The following NT5DC3 variants were observed in gnomAD, a reference collection of about 807,000 sequenced individuals.
NT5DC3 encodes 5'-nucleotidase domain-containing protein 3.
NT5DC3 carries 42 observed loss-of-function variants against 67.8 expected under a neutral mutation model. The observed-to-expected ratio is 0.62, with a 90% CI of 0.48 to 0.80. NT5DC3 has a LOEUF of 0.80. Ranked by LOEUF, NT5DC3 falls within the 30% of genes least tolerant of loss-of-function variation. NT5DC3 has a pLI of 0.00. For synonymous variants in NT5DC3, 237 were observed against 255.6 expected (o/e 0.93, Z 0.69); for missense variants, 570 against 696.4 (o/e 0.82, Z 2.04).
At chr12:103,765,799 C>A (rs1033689165), downstream of NT5DC3, among the ~76,000 whole-genome samples, 2 of 149,580 alleles carry the variant, frequency 1.3e-5, no homozygotes, top group Non-Finnish European at 3.0e-5. Context: ...GCCTCAGCCT[C>A]CCGAAGTGCT....
chr12:103,831,723 A>G (rs1400809146), intron 1 of NT5DC3, among the ~76,000 whole-genome samples: 1 of 151,322 alleles, frequency 6.6e-6, no homozygotes, highest in Non-Finnish European at 1.5e-5. Context: ...GTGTTCCCAG[A>G]ACAGTCACAC....
At chr12:103,780,183 G>A in intron 13 of NT5DC3, 117 bp downstream of exon 13, 1 of 840,662 alleles carries the variant, frequency 1.2e-6, no homozygotes, top group East Asian at 2.4e-5. Context: ...ACATACCTGG[G>A]AGCTAAAATA....
intron 1 of NT5DC3, among the ~76,000 whole-genome samples, chr12:103,831,038 C>A (rs557404189): frequency 5.7e-4 from 87 of 152,286 alleles, no homozygotes; most frequent in African/African-American, 2.1e-3. Flanking sequence ...CCAGGAGTCC[C>A]AGATCACTAT....
downstream of NT5DC3, among the ~76,000 whole-genome samples, chr12:103,771,530 G>A (rs1885181584): frequency 6.6e-6 from 1 of 152,120 alleles, no homozygotes; most frequent in Non-Finnish European, 1.5e-5. Flanking sequence ...CCTGGTCCCT[G>A]CCCTCAAAAT....
chr12:103,767,307 G>A (rs1337900560), downstream of NT5DC3, among the ~76,000 whole-genome samples: 3 of 152,152 alleles, frequency 2.0e-5, no homozygotes, highest in African/African-American at 7.2e-5. Flanking sequence ...TAAGAAGCCA[G>A]TCACAAAGGA....
At chr12:103,833,512 A>T (rs905297123) in intron 1 of NT5DC3, among the ~76,000 whole-genome samples, 6 of 152,192 alleles carry the variant, frequency 3.9e-5, no homozygotes, top group Non-Finnish European at 7.3e-5. Flanking sequence ...TTACATCATC[A>T]TGTAGACACA....
chr12:103,806,780 TAAAGA>T (rs757598544), intron 3 of NT5DC3, 70 bp downstream of exon 3: 8 of 955,944 alleles, frequency 8.4e-6, no homozygotes, highest in East Asian at 2.4e-5. Context: ...GCCCGTTCAG[TAAAGA>T]AAAGTACCAA....
intron 4 of NT5DC3, among the ~76,000 whole-genome samples, chr12:103,804,668 T>C (rs1886722358): frequency 1.3e-5 from 2 of 151,940 alleles, no homozygotes; most frequent in South Asian, 4.1e-4. Flanking sequence ...CACAGAAAAC[T>C]AGGCAAACAA....
At chr12:103,778,743 C>A (rs1885431754) in intron 13 of NT5DC3, among the ~76,000 whole-genome samples, 1 of 149,374 alleles carries the variant, frequency 6.7e-6, no homozygotes, top group South Asian at 2.1e-4. Context: ...GTGGTTGAGG[C>A]TGCAGTGAGC....
the NT5DC3 span, among the ~76,000 whole-genome samples, chr12:103,756,967 C>A: frequency 7.1e-6 from 1 of 140,326 alleles, no homozygotes; most frequent in African/African-American, 2.6e-5. Flanking sequence ...CCTACCTTCT[C>A]TGGGCCTCAG....
At chr12:103,755,604 C>T in the NT5DC3 span, 2 of 1,613,996 alleles carry the variant, frequency 1.2e-6, no homozygotes, top group South Asian at 2.2e-5. Context: ...TGTGCCTCTG[C>T]CCTCCAGATG....
intron 1 of NT5DC3, among the ~76,000 whole-genome samples, chr12:103,833,866 A>G (rs1888035578): frequency 6.6e-6 from 1 of 152,238 alleles, no homozygotes; most frequent in Non-Finnish European, 1.5e-5. Context: ...GAGTTCAAAG[A>G]AGACACACGC....
intron 2 of NT5DC3, among the ~76,000 whole-genome samples, chr12:103,809,005 G>C (rs187298252): frequency 5.9e-5 from 9 of 152,224 alleles, no homozygotes; most frequent in African/African-American, 2.2e-4. Flanking sequence ...TGAAGATCAG[G>C]GGCAAGGAAT....
chr12:103,758,012 C>T, the NT5DC3 span: 4 of 1,070,998 alleles, frequency 3.7e-6, no homozygotes, highest in Non-Finnish European at 5.3e-6. Flanking sequence ...CTCAAACTCT[C>T]CCACGGCGCA....
At chr12:103,805,767 A>G (rs1021298114) in intron 4 of NT5DC3, among the ~76,000 whole-genome samples, 1 of 149,298 alleles carries the variant, frequency 6.7e-6, no homozygotes, top group African/African-American at 2.5e-5. Flanking sequence ...AATCACTTGA[A>G]TCTGGGAGGC....
At position 103,816,250 on chromosome 12, in the gene NT5DC3, G is replaced by A. The variant is rs377337958; in HGVS notation, c.209-1129C>T. 3.3e-5 allele frequency among the ~76,000 whole-genome samples: 5 copies of A among 152,240 alleles called. 1 individual carries two copies. Among genetic ancestry groups the A allele is most frequent in the African/African-American group, 9.6e-5 (4 of 41,514 alleles). Reference sequence around the variant, plus strand: ...AATATCTGCATTATACCTACCAATCGTGGCTCCCTAATCAAAAAGTCCGAA... The same window carrying A: ...AATATCTGCATTATACCTACCAATCATGGCTCCCTAATCAAAAAGTCCGAA... On this transcript the variant is annotated intron_variant, in intron 1 of 13. Transcript: ENST00000392876.
intron 4 of NT5DC3, among the ~76,000 whole-genome samples, chr12:103,799,908 A>G (rs1886493016): frequency 6.6e-6 from 1 of 151,426 alleles, no homozygotes; most frequent in African/African-American, 2.4e-5. Flanking sequence ...GGACTCATCC[A>G]CTCTCAAGCG....
the NT5DC3 span, among the ~76,000 whole-genome samples, chr12:103,749,994 G>T: frequency 6.6e-6 from 1 of 152,106 alleles, no homozygotes; most frequent in African/African-American, 2.4e-5. Flanking sequence ...CTGACAAGCT[G>T]TGTGACCTGG....
intron 2 of NT5DC3, among the ~76,000 whole-genome samples, chr12:103,813,797 GAA>G (rs1328650046): frequency 6.6e-6 from 1 of 152,224 alleles, no homozygotes; most frequent in Non-Finnish European, 1.5e-5. Context: ...ATCAACTTGG[GAA>G]AAGTCTTAGA....
Sources: gnomAD v4.1 joint callset for allele counts (sites outside exome capture counted in the v4.1 genomes callset) on GRCh38, gnomAD v4.1.1 for gene constraint, MANE v1.5 for transcripts, NCBI Gene and HGNC (gene_info 2026-07-23, HGNC 2026-07-21) for gene names.